The following FAT1 variants were observed in gnomAD, a reference collection of about 807,000 sequenced individuals.
FAT1 encodes protocadherin Fat 1.
FAT1 carries 171 observed loss-of-function variants against 329.8 expected under a neutral mutation model. The observed-to-expected ratio is 0.52, with a 90% confidence interval of 0.46 to 0.59. The LOEUF (loss-of-function observed/expected upper bound fraction) is 0.59. Among genes scored for constraint, FAT1 ranks in the 20% least tolerant of loss-of-function variants. The pLI is 0.00. For missense variants in FAT1, 5,672 were observed against 5,774.4 expected (o/e 0.98, Z 0.57); for synonymous variants, 2,233 against 2,228.6 (o/e 1.00, Z -0.06).
intron 4 of FAT1, among the ~76,000 whole-genome samples, chr4:186,639,330 A>G (rs1579369767): frequency 1.3e-5 from 2 of 152,232 alleles, no homozygotes; most frequent in African/African-American, 2.4e-5. Flanking sequence ...ATCTATAAAT[A>G]CCAACATAAA....
In FAT1 at chr4:186,604,364, A is replaced by G. The variant is rs1159802747; in HGVS notation, c.10548+13T>C. ...TGAATCCACAACCAAACCACAAAGA[A>G]AGCCATTCATACCTTCACCTGCAGT... On this transcript the variant is annotated intron_variant, in intron 18 of 26. Coordinates refer to ENST00000441802, the MANE Select transcript of FAT1 (RefSeq NM_005245.4). The G allele has an allele frequency of 6.2e-7, 1 of 1,603,918 alleles. No homozygotes were observed. The highest frequency in any genetic ancestry group is 8.5e-7 in the Non-Finnish European group (1 of 1,174,842).
chr4:186,611,467 C>A lies in FAT1; in HGVS notation c.9772G>T (p.Asp3258Tyr), dbSNP rs1325856037. The A allele has an allele frequency of 1.2e-6, 2 of 1,613,830 alleles. No individual in the cohort carries two copies. The highest frequency in any genetic ancestry group is 2.2e-5 in the East Asian group (1 of 44,870). ...EVLQVYAASR[D>Y]IEANAEITYS... ...GTGATTTCTGCATTTGCTTCAATAT[C>A]CCGACTTGCTGCATACACTTGAAGA... Residue 3258 changes from aspartate (D) to tyrosine (Y), a missense_variant, in exon 14 of 27, where the codon GAT becomes TAT. Asp to Tyr is a radical substitution (Grantham distance 160). Around this residue, in one of 2 missense-constraint regions of FAT1, gnomAD observed 1,706 missense variants for 1,859.1 expected, o/e 0.92. Transcript: ENST00000441802.
chr4:186,696,505 T>A (rs1184796859), intron 2 of FAT1, among the ~76,000 whole-genome samples: 1 of 152,138 alleles, frequency 6.6e-6, no homozygotes, highest in Non-Finnish European at 1.5e-5. Context: ...AGCAGGCAGC[T>A]ACTCGGTACC....
intron 9 of FAT1, among the ~76,000 whole-genome samples, chr4:186,625,913 C>T (rs192690060): frequency 1.5e-3 from 228 of 152,294 alleles, no homozygotes; most frequent in Non-Finnish European, 2.6e-3. Context: ...CCCAACATGG[C>T]ACCTGGCACA....
intron 9 of FAT1, among the ~76,000 whole-genome samples, chr4:186,624,137 G>A (rs1579342233): frequency 1.3e-5 from 2 of 148,970 alleles, no homozygotes; most frequent in East Asian, 2.0e-4. Context: ...GCTGTTGAAC[G>A]ACTTCCTAAG....
intron 26 of FAT1, 149 bp from the exon 27 acceptor site, chr4:186,589,369 T>C: frequency 2.3e-6 from 2 of 880,536 alleles, no homozygotes; most frequent in Non-Finnish European, 3.4e-6. Flanking sequence ...GTCTTTGCTT[T>C]GAAGACATCC....
intron 3 of FAT1, among the ~76,000 whole-genome samples, chr4:186,649,003 T>C (rs1446563877): frequency 2.0e-5 from 3 of 152,220 alleles, no homozygotes; most frequent in Non-Finnish European, 1.5e-5. Context: ...TTTAAAATAC[T>C]ATTTGAGATA....
chr4:186,637,328 T>C (rs951206384), intron 4 of FAT1, among the ~76,000 whole-genome samples: 1 of 152,212 alleles, frequency 6.6e-6, no homozygotes, highest in Admixed American at 6.5e-5. Flanking sequence ...ACACTCTACA[T>C]ACTTAAAAAC....
At position 186,708,881 on chromosome 4, in the gene FAT1, T is replaced by G. The variant is rs1744794168; in HGVS notation, c.947A>C (p.Lys316Thr). ...VRSFPGSKEY[K>T]VKAIGGIDWD... ...ATCAATGCCACCGATGGCTTTGACT[T>G]TATACTCCTTACTCCCTGGAAAGGA... Residue 316 changes from lysine (K) to threonine (T), a missense_variant, in exon 2 of 27, where the codon AAA (lysine) becomes ACA (threonine). Physicochemically the swap from Lys to Thr is moderately conservative, Grantham distance 78. Coordinates refer to ENST00000441802, the MANE Select transcript of FAT1 (RefSeq NM_005245.4). 1.9e-6 allele frequency: 3 copies of G among 1,613,820 alleles called. No homozygotes were observed. In the African/African-American group the frequency reaches 4.0e-5, roughly 22 times the overall value.
At chr4:186,604,289 G>A in intron 18 of FAT1, 88 bp downstream of exon 18, 1 of 1,114,170 alleles carries the variant, frequency 9.0e-7, no homozygotes, top group East Asian at 2.4e-5. Flanking sequence ...TGTATGAAAT[G>A]TAAGCTGTTC....
chr4:186,609,979 C>A lies in FAT1; in HGVS notation c.9890G>T (p.Ser3297Ile). 1.2e-6 allele frequency: 2 copies of A among 1,613,104 alleles called. No homozygotes were observed. Among genetic ancestry groups the A allele is most frequent in the Non-Finnish European group, 1.7e-6 (2 of 1,179,156 alleles). The change falls in exon 15 of 27, where the codon AGC becomes ATC. Residue 3297 changes from serine (S) to isoleucine (I), a missense_variant. Coordinates refer to ENST00000441802, the MANE Select transcript of FAT1 (RefSeq NM_005245.4). ...TACTGTTAGGTAATACTCATGAGAG[C>A]TCTCATAATCCAGATTCTCAATGAT... is the stretch of plus-strand genomic sequence containing the variant. ...VFIIENLDYESSHEYYLTVEA... is the reference protein window; with the variant it reads ...VFIIENLDYEISHEYYLTVEA...
In FAT1 at chr4:186,613,116, G is replaced by A. The variant is rs539648950; in HGVS notation, c.9456C>T (p.Ala3152=). The A allele has an allele frequency of 1.9e-5, 31 of 1,607,932 alleles. No individual in the cohort carries two copies. In the South Asian group the frequency reaches 2.3e-4, roughly 12 times the overall value. The part of the protein sequence containing the change: ...TLLTRVQATD[A]DAGLNRKILY... ...AGCATTCCCGGGAGATACCTGCGTC[G>A]GCATCTGTGGCCTGCACTCTTGTCA... is the stretch of plus-strand genomic sequence containing the variant. Residue 3152 remains alanine, a synonymous_variant, in exon 13 of 27, where the codon GCC becomes GCT. Coordinates refer to ENST00000441802, the MANE Select transcript of FAT1 (RefSeq NM_005245.4).
intron 1 of FAT1, among the ~76,000 whole-genome samples, chr4:186,710,180 G>A (rs1207236005): frequency 1.3e-5 from 2 of 151,992 alleles, no homozygotes; most frequent in African/African-American, 4.8e-5. Flanking sequence ...AATCGTTAAG[G>A]CAAATATAAG....
chr4:186,588,581 G>T lies in FAT1; in HGVS notation c.*11C>A. 1 of 1,601,934 alleles carries T rather than the reference G, an allele frequency of 6.2e-7. No homozygotes were observed. The highest frequency in any genetic ancestry group is 8.5e-7 in the Non-Finnish European group (1 of 1,174,020). ...TTCACTAAAGTCAGGCACTTTGGGG[G>T]GAGTTGAGAGTCAGACTTCCGTGTG... is the stretch of plus-strand genomic sequence containing the variant. On this transcript the variant is annotated 3_prime_UTR_variant, in exon 27 of 27. Coordinates refer to ENST00000441802, the MANE Select transcript of FAT1 (RefSeq NM_005245.4).
At chr4:186,604,678 A>G in intron 17 of FAT1, 104 bp from the exon 18 acceptor site, 1 of 715,640 alleles carries the variant, frequency 1.4e-6, no homozygotes, top group Non-Finnish European at 2.2e-6. Context: ...CATACAAAAC[A>G]AAGCCTTTCT....
intron 1 of FAT1, among the ~76,000 whole-genome samples, chr4:186,719,702 G>A (rs1029837307): frequency 6.6e-6 from 1 of 152,188 alleles, no homozygotes; most frequent in African/African-American, 2.4e-5. Context: ...AGAAATTGAA[G>A]GATGGACTAA....
chr4:186,632,840 C>G (rs546980020), intron 7 of FAT1, among the ~76,000 whole-genome samples: 1 of 152,322 alleles, frequency 6.6e-6, no homozygotes, highest in African/African-American at 2.4e-5. Context: ...ACCTTGTTCT[C>G]TGACATTTAA....
In FAT1 at chr4:186,708,185, C is replaced by T. The variant is rs202126944; in HGVS notation, c.1643G>A (p.Arg548His). The T allele has an allele frequency of 1.2e-4, 195 of 1,613,852 alleles. No individual in the cohort carries two copies. Among genetic ancestry groups the T allele is most frequent in the Middle Eastern group, 8.2e-4 (5 of 6,082 alleles). ...TGTAGCAAGGACTTCGACTTCCCGG[C>T]GGTACGGCAAGCCCCAGTCTGATGC... is the stretch of plus-strand genomic sequence containing the variant. ...IRASDWGLPY[R>H]REVEVLATIT... The change falls in exon 2 of 27, where the codon CGC becomes CAC. Residue 548 changes from arginine (R) to histidine (H), a missense_variant. Physicochemically the swap from Arg to His is conservative, Grantham distance 29 (BLOSUM62 0). Transcript: ENST00000441802.
upstream of FAT1, chr4:186,726,336 T>C (rs1745718940): frequency 6.6e-6 from 1 of 152,258 alleles, no homozygotes; most frequent in African/African-American, 2.4e-5. Context: ...GCATGCACGA[T>C]TTGAACAAAG....
Sources: gnomAD v4.1 joint callset for allele counts (sites outside exome capture counted in the v4.1 genomes callset) on GRCh38, gnomAD v4.1.1 for gene constraint, gnomAD v4.1.1 regional missense constraint, MANE v1.5 for transcripts, NCBI Gene and HGNC (gene_info 2026-07-23, HGNC 2026-07-21) for gene names.